PLCB1: variants seen among roughly 807,000 people sequenced by gnomAD.
PLCB1 encodes 1-phosphatidylinositol 4,5-bisphosphate phosphodiesterase beta-1.
In PLCB1, 46 loss-of-function variants were observed where a neutral mutation model predicts 161.8. That is an observed-to-expected ratio of 0.28 (90% CI 0.22 to 0.36). The LOEUF (loss-of-function observed/expected upper bound fraction) is 0.36, where lower values mean the gene tolerates loss of function less well. PLCB1 is among the 10% of genes least tolerant of loss of function. PLCB1 has a pLI of 1.00. For synonymous variants in PLCB1, 517 were observed against 503.7 expected (o/e 1.03, Z -0.35); for missense variants, 1,016 against 1,472.5 (o/e 0.69, Z 5.07).
intron 21 of PLCB1, among the ~76,000 whole-genome samples, chr20:8,739,585 T>C (rs919598731): frequency 6.6e-6 from 1 of 152,258 alleles, no homozygotes; most frequent in Non-Finnish European, 1.5e-5. Flanking sequence ...TGAAAACTTA[T>C]ATGCAAATAT....
intron 3 of PLCB1, among the ~76,000 whole-genome samples, chr20:8,609,250 A>G (rs1048423745): frequency 1.3e-5 from 2 of 152,208 alleles, no homozygotes; most frequent in South Asian, 4.1e-4. Flanking sequence ...AATTACTTTT[A>G]CATCAACCTA....
rs143345669 is a variant in PLCB1, at chr20:8,522,600, A to G, written c.247-105694A>G. On this transcript the variant is annotated intron_variant, in intron 3 of 31. Transcript: ENST00000338037. ...AATTAAGGAAAATGAGTTTGGAACA[A>G]TGAAACAGTCTCCTGTGCAAATAAA... is the stretch of plus-strand genomic sequence containing the variant. Among the ~76,000 whole-genome samples, 239 of 152,294 alleles carry G rather than the reference A, an allele frequency of 1.6e-3. 1 individual carries two copies. The highest frequency in any genetic ancestry group is 6.8e-3 in the Middle Eastern group (2 of 294).
intron 2 of PLCB1, among the ~76,000 whole-genome samples, chr20:8,244,830 G>A (rs1225809922): frequency 6.6e-6 from 1 of 151,796 alleles, no homozygotes; most frequent in Admixed American, 6.6e-5. Flanking sequence ...ACAAAAGGTT[G>A]GTTCTGGGCC....
intron 2 of PLCB1, among the ~76,000 whole-genome samples, chr20:8,370,315 T>C (rs1986866093): frequency 6.6e-6 from 1 of 152,186 alleles, no homozygotes; most frequent in African/African-American, 2.4e-5. Flanking sequence ...GCCATATTCC[T>C]TTCTGATGTC....
chr20:8,627,908 A>C (rs1031778168), intron 3 of PLCB1, among the ~76,000 whole-genome samples: 2 of 152,196 alleles, frequency 1.3e-5, no homozygotes, highest in Non-Finnish European at 2.9e-5. Flanking sequence ...GTCATATTTT[A>C]ATTTCAGAAT....
Position 8,741,580 on chromosome 20 carries a change from G to C in PLCB1, c.2523+7G>C. On this transcript the variant is annotated splice_region_variant and intron_variant, in intron 23 of 31. Coordinates refer to ENST00000338037, the MANE Select transcript of PLCB1 (RefSeq NM_015192.4). ...AGAAGAAGTAAAGAAAGAGGTGAGA[G>C]GGTGTTTTAATTTTACATATAGCAT... 2 of 1,589,230 alleles carry C rather than the reference G, an allele frequency of 1.3e-6. No individual in the cohort carries two copies. The highest frequency in any genetic ancestry group is 1.7e-6 in the Non-Finnish European group (2 of 1,157,930).
chr20:8,209,125 G>T (rs1978681972), intron 2 of PLCB1, among the ~76,000 whole-genome samples: 1 of 152,096 alleles, frequency 6.6e-6, no homozygotes, highest in South Asian at 2.1e-4. Context: ...TCTTCAAGGG[G>T]TGGCCGTCCT....
chr20:8,860,418 C>T (rs1330294825), intron 31 of PLCB1, among the ~76,000 whole-genome samples: 1 of 152,194 alleles, frequency 6.6e-6, no homozygotes, highest in Admixed American at 6.5e-5. Context: ...AAACACTGTG[C>T]ATATCACTGA....
intron 2 of PLCB1, among the ~76,000 whole-genome samples, chr20:8,367,097 T>C (rs536303598): frequency 6.6e-6 from 1 of 152,332 alleles, no homozygotes; most frequent in Admixed American, 6.5e-5. Flanking sequence ...GTCGATGGCA[T>C]TTGTCATTCA....
At chr20:8,676,826 A>G (rs1282544372) in intron 9 of PLCB1, among the ~76,000 whole-genome samples, 1 of 152,234 alleles carries the variant, frequency 6.6e-6, no homozygotes, top group Non-Finnish European at 1.5e-5. Context: ...AGGAAAAAGC[A>G]GGGAAAAAAG....
chr20:8,171,425 G>A lies in PLCB1; in HGVS notation c.177+21054G>A, dbSNP rs115306364. Among the ~76,000 whole-genome samples the A allele has an allele frequency of 1.2e-3, 178 of 152,110 alleles. 1 individual carries two copies. The highest frequency in any genetic ancestry group is 4.1e-3 in the African/African-American group (170 of 41,500). On this transcript the variant is annotated intron_variant, in intron 2 of 31. Transcript: ENST00000338037. ...TATGTTTTTTGTTGTTGTTGTATGG[G>A]AGAGGTACTGATTTAGGTTACTTCT...
intron 2 of PLCB1, among the ~76,000 whole-genome samples, chr20:8,295,194 G>T (rs1343769837): frequency 2.6e-5 from 4 of 152,146 alleles, no homozygotes; most frequent in African/African-American, 7.2e-5. Flanking sequence ...GATACAGGAA[G>T]AATATATAGG....
chr20:8,449,483 G>A (rs1013749263), intron 3 of PLCB1, among the ~76,000 whole-genome samples: 12 of 152,192 alleles, frequency 7.9e-5, no homozygotes, highest in African/African-American at 1.2e-4. Flanking sequence ...CTGAAAGACC[G>A]TTCAGCAGGC....
intron 2 of PLCB1, among the ~76,000 whole-genome samples, chr20:8,240,162 A>C (rs73897368): frequency 0.013 from 2,005 of 151,890 alleles, 44 homozygotes; most frequent in African/African-American, 0.045. Context: ...ATGAAAAAAA[A>C]CAAAAGCTGT....
chr20:8,811,178 C>T (rs979307425), intron 31 of PLCB1, among the ~76,000 whole-genome samples: 2 of 152,060 alleles, frequency 1.3e-5, no homozygotes, highest in African/African-American at 4.8e-5. Flanking sequence ...TCCAGGAGGT[C>T]ATTATTGGCC....
At chr20:8,495,610 G>T (rs1983135306) in intron 3 of PLCB1, among the ~76,000 whole-genome samples, 2 of 151,942 alleles carry the variant, frequency 1.3e-5, no homozygotes, top group Non-Finnish European at 2.9e-5. Flanking sequence ...TGTTAGCCAA[G>T]ATAGTCTGGA....
chr20:8,750,023 GA>G (rs1199401950), intron 23 of PLCB1, among the ~76,000 whole-genome samples: 1 of 152,086 alleles, frequency 6.6e-6, no homozygotes, highest in Non-Finnish European at 1.5e-5. Context: ...TAATGCTGAG[GA>G]AAATCAGATG....
At chr20:8,620,219 T>C (rs1043510350) in intron 3 of PLCB1, among the ~76,000 whole-genome samples, 3 of 152,168 alleles carry the variant, frequency 2.0e-5, no homozygotes, top group African/African-American at 4.8e-5. Context: ...TTATTTTAAG[T>C]ATACTACCAG....
chr20:8,461,400 T>A (rs541258905), intron 3 of PLCB1, among the ~76,000 whole-genome samples: 1 of 152,286 alleles, frequency 6.6e-6, no homozygotes, highest in Admixed American at 6.5e-5. Context: ...TTCTGACAAG[T>A]CACTTAATCC....
Sources: gnomAD v4.1 joint callset for allele counts (sites outside exome capture counted in the v4.1 genomes callset) on GRCh38, gnomAD v4.1.1 for gene constraint, MANE v1.5 for transcripts, NCBI Gene and HGNC (gene_info 2026-07-23, HGNC 2026-07-21) for gene names.